The following TADA2B variants were observed in gnomAD, a reference collection of about 807,000 sequenced individuals.
The protein encoded by TADA2B is transcriptional adaptor 2B.
Under a neutral mutation model 34.5 loss-of-function variants are expected in TADA2B, and 13 were observed. The observed-to-expected ratio is 0.38, with a 90% confidence interval of 0.25 to 0.60. TADA2B has a LOEUF of 0.60. Ranked by LOEUF, TADA2B falls within the 20% of genes least tolerant of loss-of-function variation. The pLI is 0.65. For synonymous variants in TADA2B, 240 were observed against 243.4 expected (o/e 0.99, Z 0.13); for missense variants, 442 against 575.0 (o/e 0.77, Z 2.37).
intron 1 of TADA2B, chr4:7,053,387 C>A (rs541880232): frequency 2.4e-4 from 37 of 152,428 alleles, no homozygotes; most frequent in African/African-American, 8.7e-4. Context: ...AAGGCCTGCT[C>A]CCTTGAAGAG....
intron 1 of TADA2B, among the ~76,000 whole-genome samples, chr4:7,047,149 C>G (rs913029271): frequency 1.3e-5 from 2 of 152,174 alleles, no homozygotes; most frequent in Non-Finnish European, 2.9e-5. Context: ...GCAGGCCCTG[C>G]TGGAGCACAG....
Position 7,054,181 on chromosome 4 carries a change from C to T in TADA2B, c.390C>T (p.Asn130=), listed in dbSNP as rs756356486. The change falls in exon 2 of 2, where the codon AAC becomes AAT. Residue 130 remains asparagine, a synonymous_variant. Transcript: ENST00000310074. Reference sequence around the variant, plus strand: ...CCTGCATCCCCGACACCATCCCCAACCGCGTGACAGACCACACCTGTCCCA... The same window carrying T: ...CCTGCATCCCCGACACCATCCCCAATCGCGTGACAGACCACACCTGTCCCA... The part of the protein sequence containing the change: ...GKACIPDTIP[N]RVTDHTCPSG... 2 of 1,606,338 alleles carry T rather than the reference C, an allele frequency of 1.2e-6. No homozygotes were observed. Among genetic ancestry groups the T allele is most frequent in the Non-Finnish European group, 1.7e-6 (2 of 1,176,564 alleles).
In TADA2B at chr4:7,056,277, C is replaced by A. The variant is rs936142729; in HGVS notation, c.*1223C>A. On this transcript the variant is annotated 3_prime_UTR_variant, in exon 2 of 2. Transcript: ENST00000310074. ...TGCCTACAAGTTTTTCTCTGGGGTC[C>A]TCTTTCAAGGATGTCCACGGTACCT... 1 of 152,676 alleles carries A rather than the reference C, an allele frequency of 6.5e-6. No homozygotes were observed. Among genetic ancestry groups the A allele is most frequent in the Non-Finnish European group, 1.5e-5 (1 of 68,080 alleles). The allele number at this position is 152,676 out of a possible 1,614,324, so 9.5% of individuals were successfully genotyped here.
At chr4:7,048,291 G>C (rs1389339598) in intron 1 of TADA2B, among the ~76,000 whole-genome samples, 3 of 152,162 alleles carry the variant, frequency 2.0e-5, no homozygotes, top group African/African-American at 7.2e-5. Flanking sequence ...GGGAGGGGGA[G>C]GGAGAGCCCG....
Position 7,054,716 on chromosome 4 carries a change from G to A in TADA2B, c.925G>A (p.Glu309Lys), listed in dbSNP as rs2108786994. ...ITKMEESAEYEAARHKREKRK... is the reference protein window; with the variant it reads ...ITKMEESAEYKAARHKREKRK... ...CAAGATGGAAGAGTCGGCAGAGTAC[G>A]AGGCAGCGCGGCATAAACGGGAGAA... is the stretch of plus-strand genomic sequence containing the variant. The change falls in exon 2 of 2, where the codon GAG (glutamate) becomes AAG (lysine). Residue 309 changes from glutamate to lysine, a missense_variant. Glu to Lys is a moderately conservative substitution (Grantham distance 56). Coordinates refer to ENST00000310074, the MANE Select transcript of TADA2B (RefSeq NM_152293.3). 6.2e-7 allele frequency: 1 copy of A among 1,613,960 alleles called. No homozygotes were observed. Among genetic ancestry groups the A allele is most frequent in the Admixed American group, 1.7e-5 (1 of 60,030 alleles).
rs1723892855 is a variant in TADA2B, at chr4:7,056,374, AAG to A, written c.*1325_*1326del. On this transcript the variant is annotated 3_prime_UTR_variant, in exon 2 of 2. Coordinates refer to ENST00000310074, the MANE Select transcript of TADA2B (RefSeq NM_152293.3). ...TTCTCTGGTCCAAGACCCTGCTTTA[AAG>A]AGAGTCTTTGGCGTGCTCAGACTCC... 6.6e-6 allele frequency: 1 copy of A among 152,554 alleles called. No homozygotes were observed. The highest frequency in any genetic ancestry group is 1.5e-5 in the Non-Finnish European group (1 of 68,000). The allele number at this position is 152,554 out of a possible 1,614,324, so 9.5% of individuals were successfully genotyped here.
At chr4:7,053,912 G>A (rs1723827037) in intron 1 of TADA2B, 150 bp from the exon 2 acceptor site, 1 of 791,216 alleles carries the variant, frequency 1.3e-6, no homozygotes, top group Non-Finnish European at 2.0e-6. Flanking sequence ...TCATAAGACA[G>A]TGTGTGACTG....
rs1723929980 is a variant in TADA2B, at chr4:7,057,825, T to G, written c.*2771T>G. 1 of 151,554 alleles carries G rather than the reference T, an allele frequency of 6.6e-6. No homozygotes were observed. The highest frequency in any genetic ancestry group is 2.4e-5 in the African/African-American group (1 of 41,296). 9.4% of individuals were successfully genotyped at this position (151,554 alleles called of 1,614,324 possible). A position where few individuals can be genotyped will look rare whatever the true frequency, so the allele number is the denominator to read the frequency against. ...CAAACTATCTTTGAGTCAAAAAAAG[T>G]TGGATAACTCATCTATATTTGAAAT... On this transcript the variant is annotated 3_prime_UTR_variant, in exon 2 of 2. Transcript: ENST00000310074.
chr4:7,046,763 G>T (rs1005959093), intron 1 of TADA2B, among the ~76,000 whole-genome samples: 3 of 152,206 alleles, frequency 2.0e-5, no homozygotes, highest in Admixed American at 6.5e-5. Flanking sequence ...GACCTGTTGA[G>T]TTCTACTTTC....
chr4:7,049,016 G>A (rs971862013), intron 1 of TADA2B, among the ~76,000 whole-genome samples: 1 of 152,184 alleles, frequency 6.6e-6, no homozygotes, highest in South Asian at 2.1e-4. Context: ...GAACAAGGCC[G>A]CTATGAAGAT....
intron 1 of TADA2B, chr4:7,053,796 C>T (rs1577217492): frequency 2.2e-6 from 1 of 450,562 alleles, no homozygotes; most frequent in Admixed American, 3.8e-5. Context: ...ACCAGCTCAC[C>T]CCAAGACCTT....
chr4:7,053,063 C>A (rs1560394646), intron 1 of TADA2B: 1 of 152,366 alleles, frequency 6.6e-6, no homozygotes, highest in Non-Finnish European at 1.5e-5. Flanking sequence ...TTCAGCTGGG[C>A]CTCTGGCAGT....
chr4:7,048,150 T>C (rs1037517107), intron 1 of TADA2B, among the ~76,000 whole-genome samples: 1 of 152,068 alleles, frequency 6.6e-6, no homozygotes, highest in African/African-American at 2.4e-5. Context: ...GTCTGGAAAT[T>C]TGGATGGATG....
Position 7,055,263 on chromosome 4 carries a change from A to G in TADA2B, c.*209A>G, listed in dbSNP as rs1007870244. 1 of 579,726 alleles carries G rather than the reference A, an allele frequency of 1.7e-6. No homozygotes were observed. Among genetic ancestry groups the G allele is most frequent in the Non-Finnish European group, 3.0e-6 (1 of 333,812 alleles). The allele number at this position is 579,726 out of a possible 1,614,324, so 35.9% of individuals were successfully genotyped here. On this transcript the variant is annotated 3_prime_UTR_variant, in exon 2 of 2. Coordinates refer to ENST00000310074, the MANE Select transcript of TADA2B (RefSeq NM_152293.3). ...TGGGGGAAGCAAATGTGTGTATTTT[A>G]AGTGAGTTCCTGCGAGTCATACACT...
rs1480242110 is a variant in TADA2B, at chr4:7,043,606, C to T, written c.27C>T (p.Cys9=). The change falls in exon 1 of 2, where the codon TGC becomes TGT. Residue 9 remains cysteine, a synonymous_variant. Transcript: ENST00000310074. ...TGGCGGAGCTGGGGAAGAAGTACTG[C>T]GTGTACTGCCTGGCCGAGGTGAGCC... MAELGKKY[C]VYCLAEVSPL... is the part of the protein sequence containing the mutation. 3 of 1,442,354 alleles carry T rather than the reference C, an allele frequency of 2.1e-6. No homozygotes were observed. The highest frequency in any genetic ancestry group is 4.5e-5 in the Admixed American group (2 of 44,386). The allele number at this position is 1,442,354 out of a possible 1,614,324, so 89.3% of individuals were successfully genotyped here.
At chr4:7,048,523 GAC>G (rs1723692314) in intron 1 of TADA2B, among the ~76,000 whole-genome samples, 1 of 152,208 alleles carries the variant, frequency 6.6e-6, no homozygotes, top group Admixed American at 6.5e-5. Flanking sequence ...AGAGTGGTAA[GAC>G]ATGTCACTTT....
At chr4:7,044,607 G>T (rs1463662162) in intron 1 of TADA2B, among the ~76,000 whole-genome samples, 1 of 152,096 alleles carries the variant, frequency 6.6e-6, no homozygotes, top group African/African-American at 2.4e-5. Flanking sequence ...CTCTCTGGGC[G>T]GTCTCTCAGC....
intron 1 of TADA2B, among the ~76,000 whole-genome samples, chr4:7,046,610 G>A (rs1203704100): frequency 3.3e-5 from 5 of 152,206 alleles, no homozygotes; most frequent in African/African-American, 7.2e-5. Context: ...GGAGGCCATC[G>A]GTGCCACCGC....
At chr4:7,048,475 C>T (rs909903094) in intron 1 of TADA2B, among the ~76,000 whole-genome samples, 12 of 152,186 alleles carry the variant, frequency 7.9e-5, no homozygotes, top group African/African-American at 1.9e-4. Context: ...GCTGCTGATG[C>T]GGCCGCCGTG....
Sources: allele counts gnomAD v4.1 joint callset (sites outside exome capture counted in the v4.1 genomes callset), GRCh38; gene constraint gnomAD v4.1.1; transcripts MANE v1.5; gene names NCBI Gene and HGNC (gene_info 2026-07-23, HGNC 2026-07-21).